Variants in UPF3A observed in about 807,000 individuals in gnomAD.
The protein encoded by UPF3A is UPF3A regulator of nonsense mediated mRNA decay.
UPF3A carries 42 observed loss-of-function variants against 53.5 expected under a neutral mutation model. The ratio of observed to expected loss-of-function variants is 0.78; its 90% CI spans 0.61 to 1.01. UPF3A has a LOEUF of 1.01. UPF3A is among the 50% of genes least tolerant of loss of function. The pLI is 0.00. For missense variants in UPF3A, 575 were observed against 598.0 expected, an observed-to-expected ratio of 0.96 and a Z score of 0.40; for synonymous variants, 237 against 225.3, an observed-to-expected ratio of 1.05 and a Z score of -0.47.
At chr13:114,301,638 T>A (rs2086618186) in intron 8 of UPF3A, 93 bp from the exon 9 acceptor site, 1 of 1,324,844 alleles carries the variant, frequency 7.5e-7, no homozygotes, top group Non-Finnish European at 1.1e-6. Context: ...TTCGCATGGG[T>A]CCCTGTTGTC....
At chr13:114,302,279 C>G (rs961066863) in intron 9 of UPF3A, among the ~76,000 whole-genome samples, 10 of 152,120 alleles carry the variant, frequency 6.6e-5, no homozygotes, top group African/African-American at 2.4e-4. Flanking sequence ...ATATGATTCA[C>G]TTGAGAATAA....
intron 7 of UPF3A, among the ~76,000 whole-genome samples, chr13:114,294,495 C>G (rs886543158): frequency 6.6e-6 from 1 of 152,164 alleles, no homozygotes; most frequent in Non-Finnish European, 1.5e-5. Flanking sequence ...AACTCCTGGG[C>G]TGAAGTGATC....
rs2086960253 is a variant in UPF3A at position 114,305,782 on chromosome 13, T to G, written c.*865T>G. On this transcript the variant is annotated 3_prime_UTR_variant, in exon 10 of 10. Coordinates refer to ENST00000375299, the MANE Select transcript of UPF3A (RefSeq NM_023011.4). ...TTTTTGGCACTGCGATTTTAACCAT[T>G]TATTAAATAAAAATTTTGTTAAAGA... 1 of 152,196 alleles carries G rather than the reference T, an allele frequency of 6.6e-6. No homozygotes were observed. Among genetic ancestry groups the G allele is most frequent in the South Asian group, 2.1e-4 (1 of 4,834 alleles). The allele number at this position is 152,196 out of a possible 1,614,324, so 9.4% of individuals were successfully genotyped here. A position where few individuals can be genotyped will look rare whatever the true frequency, so the allele number is the denominator to read the frequency against.
At position 114,282,074 on chromosome 13, in the gene UPF3A, G is replaced by T; in HGVS notation, c.261G>T (p.Gln87His). Residue 87 changes from glutamine to histidine, a missense_variant, in exon 2 of 10, where the codon CAG (glutamine) becomes CAT (histidine). This residue lies in a region of UPF3A where 252 missense variants were observed against 182.7 expected (regional missense o/e 1.38). Coordinates refer to ENST00000375299, the MANE Select transcript of UPF3A (RefSeq NM_023011.4). ...TCACCAAGGAGCAGCTGGAGGAGCA[G>T]CTGCGCCCGCTGCCAGCACACGACT... The part of the protein sequence containing the change: ...PGLTKEQLEE[Q>H]LRPLPAHDYF... 6.3e-7 allele frequency: 1 copy of T among 1,580,074 alleles called. No homozygotes were observed. The highest frequency in any genetic ancestry group is 8.6e-7 in the Non-Finnish European group (1 of 1,164,268).
rs2084028692 is a variant in UPF3A, at chr13:114,281,769, A to G, written c.130A>G (p.Thr44Ala). Residue 44 changes from threonine to alanine, a missense_variant, in exon 1 of 10, where the codon ACG (threonine) becomes GCG (alanine). Coordinates refer to ENST00000375299, the MANE Select transcript of UPF3A (RefSeq NM_023011.4). ...HRDSQQQEAE[T>A]PPTSSSGCGG... ...CGACTCGCAGCAGCAGGAGGCTGAG[A>G]CGCCGCCAACTTCGTCCTCCGGTTG... 5 of 1,556,052 alleles carry G rather than the reference A, an allele frequency of 3.2e-6. No individual in the cohort carries two copies. The African/African-American group carries it at 6.9e-5, about 21-fold the overall frequency.
At chr13:114,301,239 A>ATCATAAGG (rs2086575933) in intron 8 of UPF3A, among the ~76,000 whole-genome samples, 1 of 152,092 alleles carries the variant, frequency 6.6e-6, no homozygotes, top group Non-Finnish European at 1.5e-5. Context: ...AGATGGGCAT[A>ATCATAAGG]TCATAAGGTC....
chr13:114,282,654 T>C, intron 2 of UPF3A, 183 bp from the exon 3 acceptor site: 1 of 985,466 alleles, frequency 1.0e-6, no homozygotes, highest in South Asian at 4.7e-5. Flanking sequence ...TTCTGCCTTG[T>C]AAAGTTAACG....
At chr13:114,302,900 G>A (rs1407385810) in intron 9 of UPF3A, among the ~76,000 whole-genome samples, 2 of 152,068 alleles carry the variant, frequency 1.3e-5, no homozygotes, top group Non-Finnish European at 2.9e-5. Flanking sequence ...TCAGGAGTTC[G>A]AGACCAGCCT....
intron 7 of UPF3A, among the ~76,000 whole-genome samples, chr13:114,295,398 TCTGGCGTGCTCCCCAGCTCGTCTCCAG>T: frequency 6.7e-6 from 1 of 148,310 alleles, no homozygotes; most frequent in South Asian, 2.2e-4. Context: ...CTCCAGCGGC[TCTGGCGTGCTCCCCAGCTCGTCTCCAG>T]CGGCTCTGGC....
chr13:114,292,176 A>G (rs1388687597), intron 7 of UPF3A, among the ~76,000 whole-genome samples: 5 of 136,552 alleles, frequency 3.7e-5, no homozygotes, highest in African/African-American at 5.6e-5. Flanking sequence ...GTTCATTGTC[A>G]GCTCAACGCG....
chr13:114,299,874 G>A (rs1004620356), intron 8 of UPF3A, among the ~76,000 whole-genome samples: 2 of 152,260 alleles, frequency 1.3e-5, no homozygotes, highest in African/African-American at 2.4e-5. Context: ...AGACTAATGC[G>A]ATTAGGCTGC....
chr13:114,295,444 T>TCTGGCCTGCTCCCCAGCTCG (rs2085861788), intron 7 of UPF3A, among the ~76,000 whole-genome samples: 1 of 49,678 alleles, frequency 2.0e-5, no homozygotes, highest in Non-Finnish European at 4.1e-5. Context: ...GCCTGCTGGT[T>TCTGGCCTGCTCCCCAGCTCG]TCTCATGAAT....
rs1423470184 is a variant in UPF3A, at chr13:114,281,831, G to A, written c.192G>A (p.Arg64=). ...CGGGCAAACCTCGCGAGGAGAAGAG[G>A]ACGGCCCTGAGCAAGGTGGGGACGG... ...GGAGKPREEK[R]TALSKVVIRR... is the part of the protein sequence containing the mutation. The change falls in exon 1 of 10, where the codon AGG becomes AGA. Residue 64 remains arginine, a synonymous_variant. Transcript: ENST00000375299. 2 of 1,541,540 alleles carry A rather than the reference G, an allele frequency of 1.3e-6. No individual in the cohort carries two copies. Among genetic ancestry groups the A allele is most frequent in the Non-Finnish European group, 8.8e-7 (1 of 1,142,332 alleles).
chr13:114,285,210 G>T (rs1414402944), intron 3 of UPF3A: 1 of 152,198 alleles, frequency 6.6e-6, no homozygotes, highest in Non-Finnish European at 1.5e-5. Flanking sequence ...CCCATTGAAT[G>T]GTCTGGGCAC....
In UPF3A at chr13:114,291,639, TCGAGAAGAGAAG is replaced by T. The variant is rs2085277426; in HGVS notation, c.702_713del (p.Lys235_Glu238del). The T allele has an allele frequency of 6.2e-7, 1 of 1,603,126 alleles. No individual in the cohort carries two copies. The highest frequency in any genetic ancestry group is 1.4e-5 in the African/African-American group (1 of 73,814). On this transcript the variant is annotated inframe_deletion, in exon 7 of 10. Coordinates refer to ENST00000375299, the MANE Select transcript of UPF3A (RefSeq NM_023011.4). ...ACGCTCTTCCATGTCTTTAGAGAAT[TCGAGAAGAGAAG>T]CGAGAAGAACGGAGGAGGAGAGAGT... is the stretch of plus-strand genomic sequence containing the variant.
chr13:114,299,256 T>G (rs1023882001), intron 8 of UPF3A, among the ~76,000 whole-genome samples: 1 of 152,182 alleles, frequency 6.6e-6, no homozygotes, highest in Non-Finnish European at 1.5e-5. Flanking sequence ...TGTCCTCCTT[T>G]TACTCCTGAG....
At chr13:114,291,891 G>A (rs549106840) in intron 7 of UPF3A, 99 bp downstream of exon 7, 3 of 1,347,212 alleles carry the variant, frequency 2.2e-6, no homozygotes, top group South Asian at 3.0e-5. Context: ...AAAACATTCT[G>A]AATTAATCTA....
At chr13:114,292,142 C>G (rs533646013) in intron 7 of UPF3A, among the ~76,000 whole-genome samples, 1 of 150,676 alleles carries the variant, frequency 6.6e-6, no homozygotes, top group Non-Finnish European at 1.5e-5. Context: ...CGGCTCAAGG[C>G]GTACATGTGC....
At position 114,304,232 on chromosome 13, in the gene UPF3A, T is replaced by C. The variant is rs76673307; in HGVS notation, c.1303-557T>C. Among the ~76,000 whole-genome samples the C allele has an allele frequency of 3.8e-3, 573 of 152,340 alleles. 2 individuals carry two copies. The highest frequency in any genetic ancestry group is 0.013 in the African/African-American group (533 of 41,580). ...GCTGCTGTCGCTGCTGACACTAGCC[T>C]TCAGGGCCACTCTATGCTTCCCTGG... On this transcript the variant is annotated intron_variant, in intron 9 of 9. Coordinates refer to ENST00000375299, the MANE Select transcript of UPF3A (RefSeq NM_023011.4).
Sources: gnomAD v4.1 joint callset for allele counts (sites outside exome capture counted in the v4.1 genomes callset) on GRCh38, gnomAD v4.1.1 for gene constraint, gnomAD v4.1.1 regional missense constraint, MANE v1.5 for transcripts, NCBI Gene and HGNC (gene_info 2026-07-23, HGNC 2026-07-21) for gene names.